MRPS27: variants seen among roughly 807,000 people sequenced by gnomAD.
The protein encoded by MRPS27 is small ribosomal subunit protein mS27.
MRPS27 carries 43 observed loss-of-function variants against 48.9 expected under a neutral mutation model. That is an observed-to-expected ratio of 0.88 (90% CI 0.69 to 1.13). The LOEUF (loss-of-function observed/expected upper bound fraction) is 1.13. Among genes scored for constraint, MRPS27 ranks in the 50% most tolerant of loss-of-function variants. The probability of loss-of-function intolerance (pLI) is 0.00; values close to 1 mark genes in which losing one functional copy is unlikely to be tolerated. For missense variants in MRPS27, 467 were observed against 476.3 expected (o/e 0.98, Z 0.18); for synonymous variants, 188 against 171.9 (o/e 1.09, Z -0.73).
chr5:72,247,466 C>G (rs1748537960), intron 4 of MRPS27, among the ~76,000 whole-genome samples: 1 of 152,174 alleles, frequency 6.6e-6, no homozygotes, highest in African/African-American at 2.4e-5. Flanking sequence ...CTTTATTCCA[C>G]TAGCCTCCAT....
chr5:72,308,579 G>T (rs1413500716), intron 2 of MRPS27, among the ~76,000 whole-genome samples: 1 of 152,230 alleles, frequency 6.6e-6, no homozygotes, highest in African/African-American at 2.4e-5. Flanking sequence ...TTCCCGCAGG[G>T]GCCACACTGC....
At chr5:72,269,914 C>T (rs923319298) in intron 4 of MRPS27, among the ~76,000 whole-genome samples, 1 of 151,876 alleles carries the variant, frequency 6.6e-6, no homozygotes, top group South Asian at 2.1e-4. Flanking sequence ...AAAATGTGGC[C>T]GGGTGCGGTG....
At chr5:72,271,481 A>G (rs1302550674) in intron 4 of MRPS27, among the ~76,000 whole-genome samples, 2 of 152,244 alleles carry the variant, frequency 1.3e-5, no homozygotes, top group Non-Finnish European at 2.9e-5. Context: ...CTTAAAAAAC[A>G]AGAGTTAAAC....
intron 4 of MRPS27, among the ~76,000 whole-genome samples, chr5:72,246,173 A>G (rs2289280): frequency 0.26 from 39,695 of 152,162 alleles, 5,329 homozygotes; most frequent in East Asian, 0.42. Context: ...CTGCATAAAT[A>G]CCCATCATGC....
chr5:72,230,265 G>A (rs1982193), intron 7 of MRPS27, among the ~76,000 whole-genome samples: 2 of 151,950 alleles, frequency 1.3e-5, no homozygotes, highest in East Asian at 1.9e-4. Flanking sequence ...TGCCTTCAAA[G>A]TTTTTCCATT....
chr5:72,223,921 A>C (rs1747825704), intron 9 of MRPS27, 71 bp from the exon 10 acceptor site: 1 of 1,464,012 alleles, frequency 6.8e-7, no homozygotes, highest in African/African-American at 1.4e-5. Flanking sequence ...GAAAGGCTAG[A>C]GAAGGCGAAA....
chr5:72,249,906 C>A (rs958838136), intron 4 of MRPS27, among the ~76,000 whole-genome samples: 2 of 151,894 alleles, frequency 1.3e-5, no homozygotes, highest in East Asian at 3.9e-4. Context: ...ATGGAGTGAA[C>A]CTGGGAGGCG....
intron 1 of MRPS27, chr5:72,314,720 G>A (rs1750524422): frequency 6.6e-6 from 1 of 152,170 alleles, no homozygotes; most frequent in South Asian, 2.1e-4. Flanking sequence ...TGCTAATTTT[G>A]TTCCTATAAC....
intron 4 of MRPS27, among the ~76,000 whole-genome samples, chr5:72,285,312 T>C (rs1456700780): frequency 1.3e-5 from 2 of 152,338 alleles, no homozygotes; most frequent in East Asian, 1.9e-4. Context: ...TTCAAGGCTA[T>C]CTTAAGTTCT....
chr5:72,273,622 A>C (rs1309011218), intron 4 of MRPS27, among the ~76,000 whole-genome samples: 1 of 152,234 alleles, frequency 6.6e-6, no homozygotes, highest in Non-Finnish European at 1.5e-5. Flanking sequence ...TTTGTGTCTA[A>C]ACGTATCTAA....
intron 4 of MRPS27, among the ~76,000 whole-genome samples, chr5:72,275,110 G>A (rs966632939): frequency 3.3e-5 from 5 of 152,230 alleles, no homozygotes; most frequent in Middle Eastern, 3.4e-3. Flanking sequence ...CAGACGACAC[G>A]ATCCTATATT....
At chr5:72,259,154 C>T (rs1044171354) in intron 4 of MRPS27, among the ~76,000 whole-genome samples, 2 of 152,240 alleles carry the variant, frequency 1.3e-5, no homozygotes, top group East Asian at 1.9e-4. Flanking sequence ...TATCTGTTAG[C>T]CTATGTTCCA....
intron 4 of MRPS27, among the ~76,000 whole-genome samples, chr5:72,269,661 T>A (rs1202008198): frequency 1.3e-5 from 2 of 152,224 alleles, no homozygotes; most frequent in African/African-American, 4.8e-5. Flanking sequence ...GATTATTCAA[T>A]AAATGGCATT....
At chr5:72,239,104 C>T (rs1748285068) in intron 4 of MRPS27, among the ~76,000 whole-genome samples, 1 of 152,020 alleles carries the variant, frequency 6.6e-6, no homozygotes, top group Non-Finnish European at 1.5e-5. Flanking sequence ...CTGGGCTCCA[C>T]AAAAATCAAA....
intron 4 of MRPS27, among the ~76,000 whole-genome samples, chr5:72,252,292 GAATA>G (rs1468990283): frequency 4.6e-5 from 7 of 152,074 alleles, no homozygotes; most frequent in African/African-American, 9.7e-5. Context: ...TTCTCTGAAT[GAATA>G]CTTATAAAAA....
chr5:72,232,649 G>T, intron 6 of MRPS27, 91 bp from the exon 7 acceptor site: 2 of 880,290 alleles, frequency 2.3e-6, no homozygotes, highest in Non-Finnish European at 1.7e-6. Context: ...TTAAAACGTG[G>T]GGCATGGTTT....
chr5:72,273,775 C>A (rs1339402431), intron 4 of MRPS27, among the ~76,000 whole-genome samples: 1 of 152,136 alleles, frequency 6.6e-6, no homozygotes, highest in Non-Finnish European at 1.5e-5. Context: ...ACGTGAAGAT[C>A]TAGGACATTA....
At chr5:72,279,046 C>T (rs1241378847) in intron 4 of MRPS27, among the ~76,000 whole-genome samples, 1 of 152,180 alleles carries the variant, frequency 6.6e-6, no homozygotes, top group African/African-American at 2.4e-5. Context: ...TGCCCATCCT[C>T]TTTTACTTCA....
intron 4 of MRPS27, among the ~76,000 whole-genome samples, chr5:72,250,426 C>G (rs986084784): frequency 2.0e-4 from 30 of 152,160 alleles, no homozygotes; most frequent in Admixed American, 9.2e-4. Context: ...AGTAATGCTG[C>G]TTCTCCAGGG....
Sources: allele counts gnomAD v4.1 joint callset (sites outside exome capture counted in the v4.1 genomes callset), GRCh38; gene constraint gnomAD v4.1.1; transcripts MANE v1.5; gene names NCBI Gene and HGNC (gene_info 2026-07-23, HGNC 2026-07-21).